The following DISC1 variants were observed in gnomAD, a reference collection of about 807,000 sequenced individuals.
DISC1 encodes DISC1 scaffold protein.
Under a neutral mutation model 84.5 loss-of-function variants are expected in DISC1, and 57 were observed. The observed-to-expected ratio is 0.67, with a 90% CI of 0.55 to 0.84. The LOEUF is 0.84. DISC1 is among the 40% of genes least tolerant of loss of function. The probability of loss-of-function intolerance (pLI) is 0.00; values close to 1 mark genes in which losing one functional copy is unlikely to be tolerated. For synonymous variants in DISC1, 411 were observed against 415.2 expected, an observed-to-expected ratio of 0.99 and a Z score of 0.12; for missense variants, 1,000 against 1,057.8, an observed-to-expected ratio of 0.95 and a Z score of 0.76.
At chr1:231,819,992 A>G (rs986151188) in intron 9 of DISC1, among the ~76,000 whole-genome samples, 2 of 152,216 alleles carry the variant, frequency 1.3e-5, no homozygotes, top group Non-Finnish European at 2.9e-5. Flanking sequence ...TCACTTCACT[A>G]AGTATTTTCA....
At chr1:231,986,948 T>TC (rs1664530947) in intron 10 of DISC1, among the ~76,000 whole-genome samples, 1 of 152,160 alleles carries the variant, frequency 6.6e-6, no homozygotes, top group Non-Finnish European at 1.5e-5. Context: ...TGTCTCCTTT[T>TC]CCCCCCATTA....
chr1:231,759,411 G>A (rs1007988786), intron 4 of DISC1, among the ~76,000 whole-genome samples: 1 of 150,620 alleles, frequency 6.6e-6, no homozygotes, highest in Non-Finnish European at 1.5e-5. Flanking sequence ...ATTACTGGCT[G>A]GACATGGTGG....
chr1:232,004,770 A>G (rs1017171072), intron 10 of DISC1, among the ~76,000 whole-genome samples: 2 of 152,174 alleles, frequency 1.3e-5, no homozygotes, highest in Non-Finnish European at 2.9e-5. Context: ...TGTTTCTAGT[A>G]TGGACCAGAC....
chr1:231,755,462 A>AT lies in DISC1; in HGVS notation c.1268+5392dup, dbSNP rs565070138. Among the ~76,000 whole-genome samples the AT allele has an allele frequency of 9.9e-5, 15 of 150,896 alleles. No homozygotes were observed. The South Asian group carries it at 2.5e-3, about 25-fold the overall frequency. On this transcript the variant is annotated intron_variant, in intron 4 of 12. Coordinates refer to ENST00000439617, the MANE Select transcript of DISC1 (RefSeq NM_018662.3). The stretch of plus-strand genomic sequence containing the variant: ...AGTCTTCAGATACTGTTTCTATACT[A>AT]TTTTTTCCCAAATTTCTATCTCTAG...
intron 9 of DISC1, among the ~76,000 whole-genome samples, chr1:231,876,589 A>G (rs748012332): frequency 2.5e-4 from 38 of 152,186 alleles, no homozygotes; most frequent in Non-Finnish European, 4.3e-4. Context: ...TTTTGTAGAA[A>G]TGGTGTAATT....
chr1:231,704,427 T>G (rs562973225), intron 3 of DISC1, among the ~76,000 whole-genome samples: 14 of 152,176 alleles, frequency 9.2e-5, no homozygotes, highest in Non-Finnish European at 2.1e-4. Flanking sequence ...CAGACTTTAA[T>G]GTACTGTGAA....
intron 9 of DISC1, among the ~76,000 whole-genome samples, chr1:231,911,552 C>G (rs555641189): frequency 1.2e-4 from 19 of 152,350 alleles, no homozygotes; most frequent in African/African-American, 3.6e-4. Flanking sequence ...CACTGTTAGT[C>G]TGAGAGGCTT....
chr1:231,722,457 G>A, intron 3 of DISC1: 1 of 1,599,850 alleles, frequency 6.3e-7, no homozygotes, highest in Middle Eastern at 1.7e-4. Flanking sequence ...AAACATCACA[G>A]TGCTTCAAAT....
chr1:231,878,040 C>A (rs1055694591), intron 9 of DISC1, among the ~76,000 whole-genome samples: 1 of 152,140 alleles, frequency 6.6e-6, no homozygotes, highest in Non-Finnish European at 1.5e-5. Context: ...AGAAAATAGT[C>A]TTTTGAAATG....
At chr1:231,718,330 AATGTTAAAT>A (rs1356945383) in intron 3 of DISC1, among the ~76,000 whole-genome samples, 1 of 152,160 alleles carries the variant, frequency 6.6e-6, no homozygotes, top group African/African-American at 2.4e-5. Context: ...TATCAGGACA[AATGTTAAAT>A]ATGGCCTGCC....
chr1:231,679,048 G>A (rs527877143), intron 1 of DISC1, among the ~76,000 whole-genome samples: 2 of 152,296 alleles, frequency 1.3e-5, no homozygotes, highest in South Asian at 4.1e-4. Context: ...AATGGATAGT[G>A]GATCATGAAG....
chr1:231,932,749 G>A (rs957817596), intron 9 of DISC1, among the ~76,000 whole-genome samples: 1 of 152,178 alleles, frequency 6.6e-6, no homozygotes, highest in Non-Finnish European at 1.5e-5. Flanking sequence ...TCTAAGCTCA[G>A]TGGGTGACTG....
At chr1:231,674,405 A>T (rs114479641) in intron 1 of DISC1, among the ~76,000 whole-genome samples, 1 of 152,250 alleles carries the variant, frequency 6.6e-6, no homozygotes, top group South Asian at 2.1e-4. Context: ...ATCCATAGCC[A>T]TTGGGATAAG....
chr1:231,902,428 C>G (rs1186350074), intron 9 of DISC1, among the ~76,000 whole-genome samples: 1 of 151,972 alleles, frequency 6.6e-6, no homozygotes, highest in Non-Finnish European at 1.5e-5. Context: ...TGATGAAACC[C>G]CATCTCTACT....
rs1352901394 is a variant in DISC1, at chr1:231,694,424, A to G, written c.666A>G (p.Glu222=). 8.1e-6 allele frequency: 13 copies of G among 1,614,026 alleles called. No homozygotes were observed. The highest frequency in any genetic ancestry group is 1.1e-5 in the Non-Finnish European group (13 of 1,180,008). The change falls in exon 2 of 13, where the codon GAA becomes GAG. Residue 222 remains glutamate (E), a synonymous_variant. Coordinates refer to ENST00000439617, the MANE Select transcript of DISC1 (RefSeq NM_018662.3). ...FIRLSLGSAG[E]RGEAEGCPPS... Reference sequence around the variant, plus strand: ...GGCTCTCGCTTGGCTCTGCCGGGGAACGTGGAGAAGCAGAAGGCTGCCCAC... The same window carrying G: ...GGCTCTCGCTTGGCTCTGCCGGGGAGCGTGGAGAAGCAGAAGGCTGCCCAC...
At chr1:231,830,376 G>A (rs969236430) in intron 9 of DISC1, among the ~76,000 whole-genome samples, 1 of 152,154 alleles carries the variant, frequency 6.6e-6, no homozygotes, top group Non-Finnish European at 1.5e-5. Flanking sequence ...TGGAATAAGA[G>A]AAGGAGAAAA....
At chr1:231,711,125 C>T (rs1194980351) in intron 3 of DISC1, among the ~76,000 whole-genome samples, 7 of 151,840 alleles carry the variant, frequency 4.6e-5, no homozygotes, top group African/African-American at 1.5e-4. Context: ...GAGCCTGGCT[C>T]TTAGGCCAGT....
chr1:231,686,387 G>T (rs867739219), intron 1 of DISC1, among the ~76,000 whole-genome samples: 10 of 152,208 alleles, frequency 6.6e-5, no homozygotes, highest in African/African-American at 2.4e-4. Flanking sequence ...CCAAACCCCA[G>T]TTCTTGACTT....
intron 9 of DISC1, among the ~76,000 whole-genome samples, chr1:231,857,768 G>T (rs546633154): frequency 3.3e-4 from 51 of 152,274 alleles, no homozygotes; most frequent in African/African-American, 7.7e-4. Flanking sequence ...AGAACTAGAC[G>T]GGCCACACTG....
Sources: allele counts gnomAD v4.1 joint callset (sites outside exome capture counted in the v4.1 genomes callset), GRCh38; gene constraint gnomAD v4.1.1; transcripts MANE v1.5; gene names NCBI Gene and HGNC (gene_info 2026-07-23, HGNC 2026-07-21).